STK24: variants seen among roughly 807,000 people sequenced by gnomAD.
STK24 encodes serine/threonine-protein kinase 24.
Under a neutral mutation model 55.6 loss-of-function variants are expected in STK24, and 21 were observed. The observed-to-expected ratio is 0.38, with a 90% confidence interval of 0.27 to 0.54. The LOEUF is 0.54. STK24 is among the 20% of genes least tolerant of loss of function. The pLI, the probability that STK24 is intolerant of heterozygous loss-of-function variation, is 0.79. For synonymous variants in STK24, 200 were observed against 215.2 expected (o/e 0.93, Z 0.62); for missense variants, 383 against 538.4 (o/e 0.71, Z 2.86).
chr13:98,450,093 C>T lies in STK24; in HGVS notation c.*3080G>A, dbSNP rs1212538819. The stretch of plus-strand genomic sequence containing the variant: ...GACACTGGTGGTTCTGACCTGTGAC[C>T]AGCACCTCTGCTTCCTGTGTGCCCT... On this transcript the variant is annotated 3_prime_UTR_variant, in exon 11 of 11. Transcript: ENST00000539966. 1.3e-5 allele frequency: 2 copies of T among 152,182 alleles called. No homozygotes were observed. Among genetic ancestry groups the T allele is most frequent in the South Asian group, 2.1e-4 (1 of 4,822 alleles). 9.4% of individuals were successfully genotyped at this position (152,182 alleles called of 1,614,324 possible). A position where few individuals can be genotyped will look rare whatever the true frequency, so the allele number is the denominator to read the frequency against.
At position 98,461,966 on chromosome 13, in the gene STK24, G is replaced by C. The variant is rs536983077; in HGVS notation, c.930-69C>G. 2.5e-6 allele frequency: 4 copies of C among 1,588,230 alleles called. No homozygotes were observed. The South Asian group carries it at 3.4e-5, about 13-fold the overall frequency. ...TGCTCTGGGGGCGCTGGGACGTTCA[G>C]GGGGAGGCCGCCTGGGGACCTCTAA... is the stretch of plus-strand genomic sequence containing the variant. On this transcript the variant is annotated intron_variant, in intron 7 of 10. Transcript: ENST00000539966.
intron 1 of STK24, among the ~76,000 whole-genome samples, chr13:98,536,457 T>TG (rs1896738830): frequency 6.6e-6 from 1 of 152,010 alleles, no homozygotes; most frequent in African/African-American, 2.4e-5. Context: ...CTCAAACTCC[T>TG]GGGTTCAAGT....
intron 1 of STK24, among the ~76,000 whole-genome samples, chr13:98,563,621 G>A (rs1897488471): frequency 6.6e-6 from 1 of 152,184 alleles, no homozygotes; most frequent in Admixed American, 6.5e-5. Flanking sequence ...CATTTTGGGA[G>A]GCTGAGGTGG....
intron 1 of STK24, among the ~76,000 whole-genome samples, chr13:98,567,434 T>C (rs1458439230): frequency 1.3e-5 from 2 of 152,168 alleles, no homozygotes; most frequent in African/African-American, 4.8e-5. Flanking sequence ...CAAAGCATCA[T>C]AAACTTAAGC....
At chr13:98,538,438 C>T (rs1896795803) in intron 1 of STK24, among the ~76,000 whole-genome samples, 1 of 151,868 alleles carries the variant, frequency 6.6e-6, no homozygotes, top group Non-Finnish European at 1.5e-5. Context: ...TTGGTCAAGC[C>T]GGTCTCAAAC....
At chr13:98,526,221 T>A (rs1393051084) in intron 1 of STK24, among the ~76,000 whole-genome samples, 1 of 152,250 alleles carries the variant, frequency 6.6e-6, no homozygotes, top group African/African-American at 2.4e-5. Flanking sequence ...TTGTCCTTTG[T>A]CAAGCTGTAT....
intron 1 of STK24, among the ~76,000 whole-genome samples, chr13:98,560,062 G>A (rs78452225): frequency 3.9e-5 from 6 of 152,182 alleles, no homozygotes; most frequent in Non-Finnish European, 7.3e-5. Flanking sequence ...AAAAGTCTCC[G>A]AAAACCAGCA....
chr13:98,483,100 C>T (rs1473496626), intron 2 of STK24, among the ~76,000 whole-genome samples: 1 of 152,246 alleles, frequency 6.6e-6, no homozygotes, highest in African/African-American at 2.4e-5. Context: ...CCCTGGAAAA[C>T]AAGCCCGCAA....
intron 10 of STK24, chr13:98,456,402 C>A: frequency 2.2e-6 from 1 of 455,428 alleles, no homozygotes; most frequent in Non-Finnish European, 4.5e-6. Context: ...ACTGTCAAGG[C>A]AGCAGCACGC....
At chr13:98,533,514 G>A (rs1303414462) in intron 1 of STK24, among the ~76,000 whole-genome samples, 7 of 151,518 alleles carry the variant, frequency 4.6e-5, no homozygotes, top group Admixed American at 1.3e-4. Context: ...GCAGGGCTTC[G>A]TGACTCAAGC....
At chr13:98,529,611 G>C (rs1282941810) in intron 1 of STK24, among the ~76,000 whole-genome samples, 1 of 152,088 alleles carries the variant, frequency 6.6e-6, no homozygotes, top group African/African-American at 2.4e-5. Context: ...TCCCTTTATA[G>C]AAAATTCTCA....
In STK24 at chr13:98,576,844, G is replaced by T; in HGVS notation, c.-58C>A. The T allele has an allele frequency of 9.1e-7, 1 of 1,094,130 alleles. No individual in the cohort carries two copies. Among genetic ancestry groups the T allele is most frequent in the Non-Finnish European group, 1.1e-6 (1 of 900,928 alleles). The allele number at this position is 1,094,130 out of a possible 1,614,324, so 67.8% of individuals were successfully genotyped here. ...CGGCCGGGCCGCGACGATCCGCGCG[G>T]GGCGGCGAGGCCCGCGGGCCGCGCG... On this transcript the variant is annotated 5_prime_UTR_variant, in exon 1 of 11. Transcript: ENST00000539966.
At chr13:98,532,816 C>T (rs1221387053) in intron 1 of STK24, among the ~76,000 whole-genome samples, 2 of 152,172 alleles carry the variant, frequency 1.3e-5, no homozygotes, top group Non-Finnish European at 2.9e-5. Context: ...TAAGTTCTTC[C>T]TAGTCTGTGT....
rs899385786 is a variant in STK24, at chr13:98,449,233, C to G, written c.*3940G>C. 1.3e-5 allele frequency: 2 copies of G among 152,232 alleles called. No individual in the cohort carries two copies. Among genetic ancestry groups the G allele is most frequent in the African/African-American group, 4.8e-5 (2 of 41,434 alleles). The allele number at this position is 152,232 out of a possible 1,614,324, so 9.4% of individuals were successfully genotyped here. On this transcript the variant is annotated 3_prime_UTR_variant, in exon 11 of 11. Transcript: ENST00000539966. ...ACTATGAAATCATGGTACGTAGTCC[C>G]CGGCACCTGTCGTTATTCCTATATC...
In STK24 at chr13:98,577,033, C is replaced by CGCCGCTGCT. The variant is rs1026252439; in HGVS notation, c.-256_-248dup. 2 of 147,570 alleles carry CGCCGCTGCT rather than the reference C, an allele frequency of 1.4e-5. No individual in the cohort carries two copies. The highest frequency in any genetic ancestry group is 4.9e-5 in the African/African-American group (2 of 40,774). 9.1% of individuals were successfully genotyped at this position (147,570 alleles called of 1,614,324 possible). The stretch of plus-strand genomic sequence containing the variant: ...AGGGCCTCGCGCGCACTGCCGCCGC[C>CGCCGCTGCT]GCCGCTGCTGCCGCTACTGCTGGGC... On this transcript the variant is annotated 5_prime_UTR_variant, in exon 1 of 11. Transcript: ENST00000539966. The surrounding 1 kb of genome is among the most constrained non-coding windows in gnomAD (Gnocchi z 4.1).
chr13:98,462,597 C>A (rs1458807036), intron 7 of STK24, among the ~76,000 whole-genome samples: 3 of 152,120 alleles, frequency 2.0e-5, no homozygotes, highest in Admixed American at 1.3e-4. Context: ...ACCTAGGGGC[C>A]AGCCTCACTC....
Position 98,448,044 on chromosome 13 carries a change from G to T in STK24, c.*5129C>A. On this transcript the variant is annotated 3_prime_UTR_variant, in exon 11 of 11. Transcript: ENST00000539966. ...ACTTCCAGCTCCACACTGAGTGAGT[G>T]CCCAGGCCAGTGGGTCTCCACTGTA... is the stretch of plus-strand genomic sequence containing the variant. 3.3e-6 allele frequency: 2 copies of T among 607,856 alleles called. No homozygotes were observed. Among genetic ancestry groups the T allele is most frequent in the South Asian group, 3.9e-5 (2 of 51,720 alleles). 37.7% of individuals were successfully genotyped at this position (607,856 alleles called of 1,614,324 possible).
chr13:98,460,728 G>A (rs1161016324), intron 8 of STK24, among the ~76,000 whole-genome samples: 4 of 152,142 alleles, frequency 2.6e-5, no homozygotes, highest in African/African-American at 4.8e-5. Context: ...GAACTGCCTC[G>A]TCTTGCTATC....
At chr13:98,513,516 T>C (rs1895954875) in intron 2 of STK24, among the ~76,000 whole-genome samples, 2 of 152,012 alleles carry the variant, frequency 1.3e-5, no homozygotes, top group African/African-American at 4.8e-5. Flanking sequence ...GAAAGGTCCA[T>C]ATGGGGCAGT....
Sources: allele counts gnomAD v4.1 joint callset (sites outside exome capture counted in the v4.1 genomes callset), GRCh38; gene constraint gnomAD v4.1.1; non-coding constraint Gnocchi (gnomAD v3.1); transcripts MANE v1.5; gene names NCBI Gene and HGNC (gene_info 2026-07-23, HGNC 2026-07-21).